The following SHANK2 variants were observed in gnomAD, a reference collection of about 807,000 sequenced individuals.
SHANK2 encodes the protein SH3 and multiple ankyrin repeat domains protein 2.
A neutral mutation model predicts 133.7 loss-of-function variants in SHANK2; 43 were observed. The observed-to-expected ratio is 0.32, with a 90% CI of 0.25 to 0.41. The LOEUF (loss-of-function observed/expected upper bound fraction) is 0.41. Among genes scored for constraint, SHANK2 ranks in the 10% least tolerant of loss-of-function variants. The probability of loss-of-function intolerance (pLI) is 1.00; values close to 1 mark genes in which losing one functional copy is unlikely to be tolerated. For synonymous variants in SHANK2, 1,017 were observed against 952.8 expected (o/e 1.07, Z -1.24); for missense variants, 1,994 against 2,235.8 (o/e 0.89, Z 2.18).
At chr11:70,749,014 C>A (rs1555036901) in intron 14 of SHANK2, among the ~76,000 whole-genome samples, 1 of 144,448 alleles carries the variant, frequency 6.9e-6, no homozygotes, top group Non-Finnish European at 1.5e-5. Flanking sequence ...CAGCGACCGA[C>A]CTGAGGGTTC....
At chr11:70,661,082 T>C (rs572184619) in intron 16 of SHANK2, among the ~76,000 whole-genome samples, 2 of 152,316 alleles carry the variant, frequency 1.3e-5, no homozygotes, top group South Asian at 4.1e-4. Flanking sequence ...GACCATCTTG[T>C]CACATTTCCT....
chr11:70,518,115 C>T (rs2059287750), intron 17 of SHANK2, among the ~76,000 whole-genome samples: 1 of 152,202 alleles, frequency 6.6e-6, no homozygotes, highest in African/African-American at 2.4e-5. Context: ...GTACCCTGAG[C>T]CAGTGCTGTC....
intron 15 of SHANK2, among the ~76,000 whole-genome samples, chr11:70,691,993 A>G (rs903090002): frequency 6.6e-6 from 1 of 152,210 alleles, no homozygotes; most frequent in South Asian, 2.1e-4. Flanking sequence ...TGCCTCAAAG[A>G]AGCCGCCATG....
intron 4 of SHANK2, among the ~76,000 whole-genome samples, chr11:71,114,584 C>T (rs782407299): frequency 2.6e-5 from 4 of 152,148 alleles, no homozygotes; most frequent in Non-Finnish European, 5.9e-5. Flanking sequence ...TTCTGTGAAG[C>T]GCAGGCTGCA....
chr11:71,239,672 C>T (rs1451963471), intron 1 of SHANK2, among the ~76,000 whole-genome samples: 1 of 152,076 alleles, frequency 6.6e-6, no homozygotes, highest in Non-Finnish European at 1.5e-5. Context: ...CAGGGTTTTG[C>T]TGTATTGCCC....
intron 17 of SHANK2, among the ~76,000 whole-genome samples, chr11:70,516,747 T>TAAA (rs1473616236): frequency 1.3e-5 from 2 of 152,268 alleles, no homozygotes; most frequent in East Asian, 3.9e-4. Context: ...AAAGAACTCT[T>TAAA]ACATCTCAAC....
intron 14 of SHANK2, among the ~76,000 whole-genome samples, chr11:70,724,932 T>C (rs1946149457): frequency 6.6e-6 from 1 of 152,150 alleles, no homozygotes; most frequent in Non-Finnish European, 1.5e-5. Flanking sequence ...ATGGGTGAGA[T>C]AAGAAAAGTC....
At chr11:70,648,111 G>A (rs1555009069) in intron 17 of SHANK2, among the ~76,000 whole-genome samples, 1 of 152,224 alleles carries the variant, frequency 6.6e-6, no homozygotes, top group African/African-American at 2.4e-5. Flanking sequence ...CTACCATACG[G>A]ATGAACCTAA....
chr11:70,817,950 G>T (rs1555054785), intron 12 of SHANK2, among the ~76,000 whole-genome samples: 1 of 152,176 alleles, frequency 6.6e-6, no homozygotes, highest in Non-Finnish European at 1.5e-5. Context: ...AGCCAGGCTG[G>T]TCTCAAACTC....
intron 11 of SHANK2, among the ~76,000 whole-genome samples, chr11:70,879,933 C>T (rs954241078): frequency 6.6e-6 from 1 of 152,354 alleles, no homozygotes; most frequent in Non-Finnish European, 1.5e-5. Context: ...GGTGACAGAG[C>T]TTCCTGGCTT....
chr11:71,139,437 G>A (rs539426910), intron 3 of SHANK2, among the ~76,000 whole-genome samples: 1 of 152,048 alleles, frequency 6.6e-6, no homozygotes, highest in South Asian at 2.1e-4. Context: ...CAGCAACATG[G>A]CACATGTATA....
intron 10 of SHANK2, among the ~76,000 whole-genome samples, chr11:70,954,154 G>A (rs1032027983): frequency 6.6e-6 from 1 of 152,234 alleles, no homozygotes; most frequent in Non-Finnish European, 1.5e-5. Flanking sequence ...CATCCACGTG[G>A]ATTTCCACAA....
chr11:71,176,009 T>A (rs1481465253), intron 2 of SHANK2, among the ~76,000 whole-genome samples: 4 of 152,164 alleles, frequency 2.6e-5, no homozygotes, highest in African/African-American at 4.8e-5. Flanking sequence ...CAAACCACCT[T>A]AGGCCGGAGA....
chr11:70,931,585 G>A (rs892737027), intron 10 of SHANK2, among the ~76,000 whole-genome samples: 2 of 152,206 alleles, frequency 1.3e-5, no homozygotes, highest in Admixed American at 6.5e-5. Flanking sequence ...TCCTGGTGGC[G>A]GCACTGTCCA....
At chr11:70,519,281 CAGATACGGGCCGG>C (rs1157439116) in intron 17 of SHANK2, among the ~76,000 whole-genome samples, 4 of 152,146 alleles carry the variant, frequency 2.6e-5, no homozygotes, top group African/African-American at 9.7e-5. Context: ...TGAGAAGGCC[CAGATACGGGCCGG>C]ATACTCGCCT....
intron 17 of SHANK2, among the ~76,000 whole-genome samples, chr11:70,656,511 G>A (rs557815026): frequency 1.6e-4 from 25 of 152,134 alleles, no homozygotes; most frequent in African/African-American, 5.8e-4. Context: ...CCCCTCCCAC[G>A]GCCTCTGAAA....
At chr11:70,793,470 C>T (rs562894024) in intron 14 of SHANK2, among the ~76,000 whole-genome samples, 83 of 152,198 alleles carry the variant, frequency 5.5e-4, no homozygotes, top group Non-Finnish European at 1.5e-4. Context: ...GACTGATAAA[C>T]AGAATATATA....
chr11:71,220,420 C>A (rs1954512045), intron 2 of SHANK2, among the ~76,000 whole-genome samples: 1 of 152,110 alleles, frequency 6.6e-6, no homozygotes. Flanking sequence ...CATTCCATTT[C>A]TGGGGGTAGG....
At chr11:70,929,542 C>T (rs568671965) in intron 10 of SHANK2, among the ~76,000 whole-genome samples, 5 of 152,306 alleles carry the variant, frequency 3.3e-5, no homozygotes, top group African/African-American at 9.6e-5. Flanking sequence ...TTTTTGGGCT[C>T]ATGGCTCCTC....
Sources: gnomAD v4.1 joint callset for allele counts (sites outside exome capture counted in the v4.1 genomes callset) on GRCh38, gnomAD v4.1.1 for gene constraint, MANE v1.5 for transcripts, NCBI Gene and HGNC (gene_info 2026-07-23, HGNC 2026-07-21) for gene names.